SEMA6D: variants seen among roughly 807,000 people sequenced by gnomAD.
The protein encoded by SEMA6D is semaphorin 6D.
In SEMA6D, 35 loss-of-function variants were observed where a neutral mutation model predicts 106.6. That is an observed-to-expected ratio of 0.33 (90% CI 0.25 to 0.44). The LOEUF (loss-of-function observed/expected upper bound fraction) is 0.44, where lower values mean the gene tolerates loss of function less well. SEMA6D is among the 20% of genes least tolerant of loss of function. SEMA6D has a pLI of 1.00. For missense variants in SEMA6D, 1,185 were observed against 1,345.9 expected (o/e 0.88, Z 1.87); for synonymous variants, 499 against 487.7 (o/e 1.02, Z -0.31).
Position 47,346,757 on chromosome 15 carries a change from A to G in SEMA6D, c.-238-65636A>G, listed in dbSNP as rs1366470333. On this transcript the variant is annotated intron_variant, in intron 1 of 19. Coordinates refer to the SEMA6D transcript ENST00000558014. ...GTTTCTATCTTAAGTAAATTTTTAT[A>G]TATTTTTTTCTTACAGCATTAAAAA... Among the ~76,000 whole-genome samples, 3 of 152,074 alleles carry G rather than the reference A, an allele frequency of 2.0e-5. No homozygotes were observed. The East Asian group carries it at 5.8e-4, about 29-fold the overall frequency.
At chr15:47,736,381 G>A (rs970157109) in intron 1 of SEMA6D, among the ~76,000 whole-genome samples, 1 of 152,132 alleles carries the variant, frequency 6.6e-6, no homozygotes, top group African/African-American at 2.4e-5. Context: ...ATTATCTTAC[G>A]ACTGAGAAAA....
chr15:47,450,744 A>C (rs754280352), intron 2 of SEMA6D, among the ~76,000 whole-genome samples: 2 of 152,124 alleles, frequency 1.3e-5, no homozygotes, highest in Admixed American at 1.3e-4. Flanking sequence ...ACAAAGGTAC[A>C]ATCTGGTCCC....
intron 4 of SEMA6D, among the ~76,000 whole-genome samples, chr15:47,672,462 C>G (rs1424667183): frequency 6.6e-6 from 1 of 152,182 alleles, no homozygotes; most frequent in East Asian, 1.9e-4. Flanking sequence ...CACATGGTAA[C>G]TTAAACTCTA....
chr15:47,336,193 G>A (rs2037547957), intron 1 of SEMA6D, among the ~76,000 whole-genome samples: 1 of 152,200 alleles, frequency 6.6e-6, no homozygotes, highest in South Asian at 2.1e-4. Context: ...CATGGTTTGT[G>A]TGAAGTGGTT....
chr15:47,715,025 G>A (rs142358681), upstream of SEMA6D, among the ~76,000 whole-genome samples: 112 of 152,340 alleles, frequency 7.4e-4, no homozygotes, highest in Middle Eastern at 3.4e-3. Context: ...CTGGTTAGGG[G>A]AGCACAGAAG....
intron 1 of SEMA6D, among the ~76,000 whole-genome samples, chr15:47,293,374 C>G (rs774430210): frequency 6.6e-6 from 1 of 152,216 alleles, no homozygotes; most frequent in Non-Finnish European, 1.5e-5. Context: ...CAGTTCCTTA[C>G]TGGGCTGTCT....
At chr15:47,196,883 G>C (rs535145856) in intron 1 of SEMA6D, among the ~76,000 whole-genome samples, 1 of 152,254 alleles carries the variant, frequency 6.6e-6, no homozygotes, top group Non-Finnish European at 1.5e-5. Context: ...AAGATCTTAA[G>C]CTTGTCAGGT....
At chr15:47,358,826 C>T (rs2038691835) in intron 1 of SEMA6D, among the ~76,000 whole-genome samples, 1 of 152,174 alleles carries the variant, frequency 6.6e-6, no homozygotes, top group Admixed American at 6.5e-5. Context: ...GAAGATTCAA[C>T]TATTTTATGA....
intron 3 of SEMA6D, among the ~76,000 whole-genome samples, chr15:47,600,076 T>C (rs1362019612): frequency 6.6e-6 from 1 of 152,142 alleles, no homozygotes; most frequent in Non-Finnish European, 1.5e-5. Context: ...GTGTTATTTT[T>C]AGTTAAGTCT....
intron 2 of SEMA6D, among the ~76,000 whole-genome samples, chr15:47,442,087 A>C (rs571471181): frequency 2.1e-4 from 32 of 152,156 alleles, no homozygotes; most frequent in Non-Finnish European, 4.6e-4. Context: ...TAATTAGAGT[A>C]AATAGCTTGG....
chr15:47,718,285 C>G (rs1345134322), intron 1 of SEMA6D, among the ~76,000 whole-genome samples: 1 of 152,180 alleles, frequency 6.6e-6, no homozygotes. Flanking sequence ...CAGCTCTGCG[C>G]CCGGCTAGGA....
At chr15:47,508,196 G>A (rs1265007972) in intron 3 of SEMA6D, among the ~76,000 whole-genome samples, 2 of 152,152 alleles carry the variant, frequency 1.3e-5, no homozygotes, top group Admixed American at 6.5e-5. Flanking sequence ...CTTTTGACAG[G>A]AATCTCACAA....
At chr15:47,683,315 A>G (rs929581805) in intron 4 of SEMA6D, among the ~76,000 whole-genome samples, 10 of 151,982 alleles carry the variant, frequency 6.6e-5, no homozygotes, top group African/African-American at 2.4e-4. Flanking sequence ...GCAGTATTTG[A>G]TTTTCTGTTT....
intron 1 of SEMA6D, among the ~76,000 whole-genome samples, chr15:47,752,380 G>A (rs528314907): frequency 1.4e-4 from 22 of 152,316 alleles, no homozygotes; most frequent in Non-Finnish European, 2.8e-4. Context: ...TTGCCTTTAG[G>A]TACTTGTAGG....
At chr15:47,240,076 A>C (rs1344196526) in intron 1 of SEMA6D, among the ~76,000 whole-genome samples, 1 of 152,164 alleles carries the variant, frequency 6.6e-6, no homozygotes, top group South Asian at 2.1e-4. Flanking sequence ...AGCCTGTTCT[A>C]TACATATGGT....
intron 3 of SEMA6D, among the ~76,000 whole-genome samples, chr15:47,501,992 G>C (rs2043864267): frequency 6.6e-6 from 1 of 151,960 alleles, no homozygotes. Flanking sequence ...CAGGTTCAGA[G>C]ACCAGAAGGT....
intron 3 of SEMA6D, among the ~76,000 whole-genome samples, chr15:47,500,973 T>C (rs1192108684): frequency 6.6e-6 from 1 of 152,288 alleles, no homozygotes; most frequent in Non-Finnish European, 1.5e-5. Flanking sequence ...TGCTATTTTG[T>C]ATAAATAATT....
chr15:47,531,591 T>TGATTTAG (rs1221745659), intron 3 of SEMA6D, among the ~76,000 whole-genome samples: 1 of 152,242 alleles, frequency 6.6e-6, no homozygotes, highest in Non-Finnish European at 1.5e-5. Context: ...ATGAATTCAA[T>TGATTTAG]GATTTAGTTG....
intron 1 of SEMA6D, among the ~76,000 whole-genome samples, chr15:47,236,984 G>A (rs555029246): frequency 5.9e-5 from 9 of 152,226 alleles, no homozygotes; most frequent in African/African-American, 2.2e-4. Flanking sequence ...CCTCCTGCTG[G>A]ATAATGCTTG....
Sources: allele counts gnomAD v4.1 joint callset (sites outside exome capture counted in the v4.1 genomes callset), GRCh38; gene constraint gnomAD v4.1.1; transcripts MANE v1.5; gene names NCBI Gene and HGNC (gene_info 2026-07-23, HGNC 2026-07-21).